The following PRUNE2 variants were observed in gnomAD, a reference collection of about 807,000 sequenced individuals.
PRUNE2 encodes the protein prune homolog 2 with BCH domain.
A neutral mutation model predicts 252.0 loss-of-function variants in PRUNE2; 164 were observed. The observed-to-expected ratio is 0.65, with a 90% confidence interval of 0.57 to 0.74. PRUNE2 has a LOEUF of 0.74. Among genes scored for constraint, PRUNE2 ranks in the 30% least tolerant of loss-of-function variants. The pLI, the probability that PRUNE2 is intolerant of heterozygous loss-of-function variation, is 0.00. For missense variants in PRUNE2, 3,495 were observed against 3,711.0 expected (o/e 0.94, Z 1.51); for synonymous variants, 1,292 against 1,350.2 (o/e 0.96, Z 0.94).
intron 9 of PRUNE2, among the ~76,000 whole-genome samples, chr9:76,678,580 A>C (rs1036889352): frequency 1.3e-5 from 2 of 152,144 alleles, no homozygotes; most frequent in African/African-American, 4.8e-5. Context: ...CTATAATCCC[A>C]GCACTTTAGG....
At chr9:76,693,920 G>T (rs1257372088) in intron 9 of PRUNE2, among the ~76,000 whole-genome samples, 1 of 152,184 alleles carries the variant, frequency 6.6e-6, no homozygotes, top group Non-Finnish European at 1.5e-5. Context: ...ACAGGAAGGT[G>T]TCACTTTGCA....
rs115506801 is a variant in PRUNE2, at chr9:76,764,077, T to C, written c.757-50356A>G. Among the ~76,000 whole-genome samples, 492 of 152,286 alleles carry C rather than the reference T, an allele frequency of 3.2e-3. 5 individuals carry two copies. Among genetic ancestry groups the C allele is most frequent in the African/African-American group, 0.012 (483 of 41,558 alleles). On this transcript the variant is annotated intron_variant, in intron 6 of 18. Coordinates refer to ENST00000376718, the MANE Select transcript of PRUNE2 (RefSeq NM_015225.3). ...GTAGGACCAATAACCTCATTCACAA[T>C]GCATTCATTGATTCGTTGATTCACA...
At chr9:76,702,219 A>T (rs10781369) in intron 9 of PRUNE2, among the ~76,000 whole-genome samples, 1 of 151,798 alleles carries the variant, frequency 6.6e-6, no homozygotes, top group Admixed American at 6.6e-5. Flanking sequence ...CCACCACCCC[A>T]GCTAAGTTTT....
chr9:76,885,181 T>C (rs1305614604), intron 1 of PRUNE2, among the ~76,000 whole-genome samples: 1 of 152,234 alleles, frequency 6.6e-6, no homozygotes, highest in Non-Finnish European at 1.5e-5. Flanking sequence ...AAAGCAGATT[T>C]AAAATATGTG....
intron 9 of PRUNE2, among the ~76,000 whole-genome samples, chr9:76,658,309 G>C (rs1189820121): frequency 1.3e-5 from 2 of 152,170 alleles, no homozygotes; most frequent in Admixed American, 1.3e-4. Flanking sequence ...GGTGAGCTGA[G>C]ATGGTGCCAT....
chr9:76,818,164 A>G (rs2057809960), intron 6 of PRUNE2, among the ~76,000 whole-genome samples: 1 of 152,134 alleles, frequency 6.6e-6, no homozygotes, highest in South Asian at 2.1e-4. Context: ...AACGCTATGC[A>G]CTCTTTCACA....
chr9:76,664,116 G>A (rs771703480), intron 9 of PRUNE2, among the ~76,000 whole-genome samples: 18 of 152,208 alleles, frequency 1.2e-4, no homozygotes, highest in South Asian at 4.1e-4. Flanking sequence ...GTGGACTGAT[G>A]ATTTGCTTCT....
At chr9:76,704,445 G>A (rs1022679870) in intron 8 of PRUNE2, among the ~76,000 whole-genome samples, 1 of 152,092 alleles carries the variant, frequency 6.6e-6, no homozygotes, top group Non-Finnish European at 1.5e-5. Context: ...GGCTGGTCTC[G>A]AACACCTGAC....
At chr9:76,644,428 A>G (rs678894) in intron 12 of PRUNE2, 329,205 of 406,108 alleles carry the variant, frequency 0.81, 133,758 homozygotes, top group South Asian at 0.87. Flanking sequence ...CAATGGACTG[A>G]TAAGAATGCC....
At chr9:76,788,070 C>T (rs1245870403) in intron 6 of PRUNE2, among the ~76,000 whole-genome samples, 1 of 152,182 alleles carries the variant, frequency 6.6e-6, no homozygotes, top group East Asian at 1.9e-4. Flanking sequence ...GAAGCCATTA[C>T]CAGCAACTAA....
chr9:76,694,345 A>G (rs973791608), intron 9 of PRUNE2, among the ~76,000 whole-genome samples: 40 of 151,954 alleles, frequency 2.6e-4, no homozygotes, highest in African/African-American at 9.2e-4. Flanking sequence ...ACCATGCCCA[A>G]CTAATTTTTG....
intron 6 of PRUNE2, among the ~76,000 whole-genome samples, chr9:76,730,269 A>C (rs1397242519): frequency 6.6e-6 from 1 of 152,242 alleles, no homozygotes; most frequent in Admixed American, 6.5e-5. Context: ...AATGTCATTT[A>C]GTTCAGTACA....
At chr9:76,700,861 G>A (rs1039562709) in intron 9 of PRUNE2, among the ~76,000 whole-genome samples, 1 of 152,152 alleles carries the variant, frequency 6.6e-6, no homozygotes, top group African/African-American at 2.4e-5. Context: ...GTTGCCCTAT[G>A]TAAAGTGAAA....
At chr9:76,762,036 T>G (rs2051783224) in intron 6 of PRUNE2, among the ~76,000 whole-genome samples, 1 of 152,220 alleles carries the variant, frequency 6.6e-6, no homozygotes, top group Non-Finnish European at 1.5e-5. Flanking sequence ...GGCTTTAAAG[T>G]CTTTCCTAAG....
At chr9:76,686,772 T>G (rs1264491050) in intron 9 of PRUNE2, among the ~76,000 whole-genome samples, 1 of 151,992 alleles carries the variant, frequency 6.6e-6, no homozygotes. Flanking sequence ...TTAAAAAAAG[T>G]TTTTTGGTAG....
At chr9:76,785,329 A>G (rs1456364407) in intron 6 of PRUNE2, 1 of 152,214 alleles carries the variant, frequency 6.6e-6, no homozygotes. Context: ...AGCAAATACT[A>G]AAAGTGTAAT....
rs45438993 is a variant in PRUNE2 at position 76,906,040 on chromosome 9, G to A, written c.-77C>T. ...TCTCGGCCCAAGGAAGACGAGCGGG[G>A]TCCCGGGAAAGTGGCCCGCCGGGGC... On this transcript the variant is annotated 5_prime_UTR_variant, in exon 1 of 19. Coordinates refer to ENST00000376718, the MANE Select transcript of PRUNE2 (RefSeq NM_015225.3). The A allele has an allele frequency of 0.09, 137,214 of 1,530,044 alleles. 7,007 individuals carry two copies. The highest frequency in any genetic ancestry group is 0.099 in the Non-Finnish European group (109,412 of 1,105,298). 94.8% of individuals were successfully genotyped at this position (1,530,044 alleles called of 1,614,324 possible). A position where few individuals can be genotyped will look rare whatever the true frequency, so the allele number is the denominator to read the frequency against.
In PRUNE2 at chr9:76,708,561, G is replaced by C; in HGVS notation, c.3713C>G (p.Ser1238Ter). 6.2e-7 allele frequency: 1 copy of C among 1,613,954 alleles called. No homozygotes were observed. The highest frequency in any genetic ancestry group is 8.5e-7 in the Non-Finnish European group (1 of 1,179,876). The change falls in exon 8 of 19, where the codon TCA (serine) becomes TGA (stop). Residue 1238 changes from serine to a stop codon, truncating the protein, a stop_gained. Coordinates refer to ENST00000376718, the MANE Select transcript of PRUNE2 (RefSeq NM_015225.3). LOFTEE classifies it high-confidence loss of function. Reference protein sequence around the residue: ...DMSSFMLPGSSHITDSEQREL... With the variant: ...DMSSFMLPGS ...CCTTTGCTCTGAATCTGTGATATGT[G>C]AGGAGCCTGGTAACATGAATGATGA...
At chr9:76,680,076 ATG>A in intron 9 of PRUNE2, among the ~76,000 whole-genome samples, 1 of 152,342 alleles carries the variant, frequency 6.6e-6, no homozygotes, top group East Asian at 1.9e-4. Context: ...AACCTATGGA[ATG>A]AGAGAAAACA....
Sources: gnomAD v4.1 joint callset for allele counts (sites outside exome capture counted in the v4.1 genomes callset) on GRCh38, gnomAD v4.1.1 for gene constraint, MANE v1.5 for transcripts, NCBI Gene and HGNC (gene_info 2026-07-23, HGNC 2026-07-21) for gene names.